The following MVP variants were observed in gnomAD, a reference collection of about 807,000 sequenced individuals.
MVP encodes the protein lung resistance-related protein.
A neutral mutation model predicts 83.5 loss-of-function variants in MVP; 62 were observed. The observed-to-expected ratio is 0.74, with a 90% confidence interval of 0.61 to 0.92. The LOEUF is 0.92. MVP is among the 40% of genes least tolerant of loss of function. The pLI, the probability that MVP is intolerant of heterozygous loss-of-function variation, is 0.00. For missense variants in MVP, 1,000 were observed against 1,203.4 expected (o/e 0.83, Z 2.50); for synonymous variants, 505 against 504.1 (o/e 1.00, Z -0.02).
intron 13 of MVP, 30 bp from the exon 14 acceptor site, chr16:29,847,167 A>G: frequency 6.2e-7 from 1 of 1,607,436 alleles, no homozygotes; most frequent in East Asian, 2.2e-5. Context: ...GGGTCAAAAA[A>G]TAAAGAATGA....
At chr16:29,828,009 G>A (rs1473904367) in intron 1 of MVP, among the ~76,000 whole-genome samples, 1 of 152,176 alleles carries the variant, frequency 6.6e-6, no homozygotes, top group Non-Finnish European at 1.5e-5. Flanking sequence ...GCCCAGGGCT[G>A]TAGTGCAATG....
At chr16:29,826,625 A>G (rs1229302832) in intron 1 of MVP, among the ~76,000 whole-genome samples, 1 of 150,138 alleles carries the variant, frequency 6.7e-6, no homozygotes, top group Non-Finnish European at 1.5e-5. Flanking sequence ...TTATCTCAAA[A>G]AAAAAAAAAA....
intron 1 of MVP, chr16:29,821,320 C>G (rs775322581): frequency 6.6e-6 from 1 of 152,358 alleles, no homozygotes; most frequent in Admixed American, 6.5e-5. Flanking sequence ...TCCCTTGGCA[C>G]ACAGAGCACT....
rs1401814694 is a variant in MVP at position 29,841,589 on chromosome 16, T to C, written c.1192-7T>C. On this transcript the variant is annotated splice_polypyrimidine_tract_variant and splice_region_variant and intron_variant, in intron 8 of 14. Transcript: ENST00000357402. This position sits in a 1 kb window ranked among gnomAD's most constrained non-coding sequence, Gnocchi z 4.7. ...CGGGCAGCTTCCCTCCCTGTCCTCGTCCCAAGGTGCGCGCTGTGATTGGAA... is the reference window on the plus strand; with the variant it reads ...CGGGCAGCTTCCCTCCCTGTCCTCGCCCCAAGGTGCGCGCTGTGATTGGAA... 1.9e-6 allele frequency: 3 copies of C among 1,579,816 alleles called. No individual in the cohort carries two copies. The highest frequency in any genetic ancestry group is 2.6e-6 in the Non-Finnish European group (3 of 1,160,720).
Position 29,830,985 on chromosome 16 carries a change from C to T in MVP, c.233C>T (p.Thr78Ile). The change falls in exon 3 of 15, where the codon ACA becomes ATA. Residue 78 changes from threonine to isoleucine, a missense_variant. Thr to Ile is a moderately conservative substitution (Grantham distance 89). Transcript: ENST00000357402. ...CAGGGCTTGGTGCTGTTTGATGTCA[C>T]AGGGCAAGTTCGGCTTCGCCACGCT... ...DAQGLVLFDV[T>I]GQVRLRHADL... The T allele has an allele frequency of 1.9e-6, 3 of 1,614,064 alleles. No homozygotes were observed. The highest frequency in any genetic ancestry group is 1.1e-5 in the South Asian group (1 of 91,082).
intron 7 of MVP, among the ~76,000 whole-genome samples, chr16:29,837,176 G>A (rs1186388593): frequency 6.6e-6 from 1 of 152,190 alleles, no homozygotes; most frequent in Non-Finnish European, 1.5e-5. Flanking sequence ...TTCTGGGAAG[G>A]CCTCCTGGCT....
intron 3 of MVP, among the ~76,000 whole-genome samples, chr16:29,832,615 T>C (rs1373682742): frequency 4.8e-5 from 7 of 146,942 alleles, no homozygotes; most frequent in African/African-American, 1.5e-4. Context: ...TTTTTTTTTT[T>C]CTGGATCTCC....
chr16:29,847,263 GA>G lies in MVP; in HGVS notation c.2333del (p.Glu778GlyfsTer4). On this transcript the variant is annotated frameshift_variant, in exon 14 of 15. Coordinates refer to ENST00000357402, the MANE Select transcript of MVP (RefSeq NM_005115.5). LOFTEE classifies it high-confidence loss of function. The part of the protein sequence containing the change: ...LELVYARAQL[E>X]LEVSKAQQLA... ...ACTGGTCTATGCCCGGGCCCAGCTG[GA>G]GCTGGAGGTGAGCAAGGCTCAGCAG... is the stretch of plus-strand genomic sequence containing the variant. 6.2e-7 allele frequency: 1 copy of G among 1,613,786 alleles called. No homozygotes were observed. Among genetic ancestry groups the G allele is most frequent in the Admixed American group, 1.7e-5 (1 of 59,976 alleles).
At chr16:29,831,097 T>C (rs1431449757) in intron 3 of MVP, 24 bp downstream of exon 3, 2 of 1,599,114 alleles carry the variant, frequency 1.3e-6, no homozygotes, top group Non-Finnish European at 1.7e-6. Context: ...TCACTCCCTA[T>C]GCCCCACCCT....
At chr16:29,834,497 C>T in intron 5 of MVP, 1 of 225,062 alleles carries the variant, frequency 4.4e-6, no homozygotes, top group Non-Finnish European at 9.0e-6. Context: ...AGTGAGACCC[C>T]ATCTCTACAG....
At chr16:29,842,391 C>T (rs1047892416) in intron 10 of MVP, among the ~76,000 whole-genome samples, 1 of 152,092 alleles carries the variant, frequency 6.6e-6, no homozygotes, top group East Asian at 1.9e-4. Flanking sequence ...CTGCAACCCC[C>T]ACCTCCCGGA....
In MVP at chr16:29,830,796, G is replaced by A. The variant is rs914705190; in HGVS notation, c.126-82G>A. 13 of 1,573,394 alleles carry A rather than the reference G, an allele frequency of 8.3e-6. No individual in the cohort carries two copies. The African/African-American group carries it at 9.5e-5, about 11-fold the overall frequency. ...GAGTGGCCCTCGCTTGGGCGATAGAGAGGTTTCTCTCTCATTTGGTGTCCT... is the reference window on the plus strand; with the variant it reads ...GAGTGGCCCTCGCTTGGGCGATAGAAAGGTTTCTCTCTCATTTGGTGTCCT... On this transcript the variant is annotated intron_variant, in intron 2 of 14. Coordinates refer to ENST00000357402, the MANE Select transcript of MVP (RefSeq NM_005115.5).
chr16:29,839,563 G>T (rs115849251), intron 7 of MVP, among the ~76,000 whole-genome samples: 1 of 151,754 alleles, frequency 6.6e-6, no homozygotes, highest in Non-Finnish European at 1.5e-5. Context: ...TGGGTAGATC[G>T]CTTGAGTCTA....
intron 3 of MVP, among the ~76,000 whole-genome samples, 153 bp downstream of exon 3, chr16:29,831,226 G>A (rs34714403): frequency 0.16 from 24,027 of 151,906 alleles, 2,075 homozygotes; most frequent in African/African-American, 0.23. Flanking sequence ...GCATAATCTC[G>A]GCTCACTGGA....
intron 13 of MVP, among the ~76,000 whole-genome samples, 164 bp from the exon 14 acceptor site, chr16:29,847,032 AT>A (rs2150762388): frequency 6.6e-6 from 1 of 151,208 alleles, no homozygotes; most frequent in Non-Finnish European, 1.5e-5. Context: ...CAAAAACAAA[AT>A]TTTTTAATTG....
At chr16:29,825,233 G>T (rs2067396661) in intron 1 of MVP, among the ~76,000 whole-genome samples, 1 of 152,188 alleles carries the variant, frequency 6.6e-6, no homozygotes, top group Non-Finnish European at 1.5e-5. Flanking sequence ...TCTACACTGA[G>T]AGCCGACTAG....
chr16:29,835,023 A>G, intron 5 of MVP: 1 of 151,782 alleles, frequency 6.6e-6, no homozygotes, highest in East Asian at 1.9e-4. Context: ...CACTTTCTAT[A>G]TATCAAAACT....
At chr16:29,842,889 C>G (rs553893989) in intron 10 of MVP, among the ~76,000 whole-genome samples, 9 of 152,166 alleles carry the variant, frequency 5.9e-5, no homozygotes, top group Non-Finnish European at 1.2e-4. Flanking sequence ...CAGCCAAATG[C>G]GTAACTGTCG....
At chr16:29,843,317 C>T (rs2067549617) in intron 10 of MVP, among the ~76,000 whole-genome samples, 1 of 150,078 alleles carries the variant, frequency 6.7e-6, no homozygotes, top group African/African-American at 2.5e-5. Flanking sequence ...CATAACAAGA[C>T]TCTGTTTCAA....
Sources: allele counts gnomAD v4.1 joint callset (sites outside exome capture counted in the v4.1 genomes callset), GRCh38; gene constraint gnomAD v4.1.1; non-coding constraint Gnocchi (gnomAD v3.1); transcripts MANE v1.5; gene names NCBI Gene and HGNC (gene_info 2026-07-23, HGNC 2026-07-21).